The following GUCY1A2 variants were observed in gnomAD, a reference collection of about 807,000 sequenced individuals.
GUCY1A2 encodes guanylate cyclase soluble subunit alpha-2.
In GUCY1A2, 27 loss-of-function variants were observed where a neutral mutation model predicts 63.5. The ratio of observed to expected loss-of-function variants is 0.43; its 90% CI spans 0.31 to 0.59. The LOEUF (loss-of-function observed/expected upper bound fraction) is 0.59, where lower values mean the gene tolerates loss of function less well. Ranked by LOEUF, GUCY1A2 falls within the 20% of genes least tolerant of loss-of-function variation. GUCY1A2 has a pLI of 0.11. For missense variants in GUCY1A2, 768 were observed against 913.3 expected, an observed-to-expected ratio of 0.84 and a Z score of 2.05; for synonymous variants, 364 against 343.5, an observed-to-expected ratio of 1.06 and a Z score of -0.66.
At chr11:106,836,125 A>G (rs944262324) in intron 4 of GUCY1A2, among the ~76,000 whole-genome samples, 6 of 151,916 alleles carry the variant, frequency 3.9e-5, no homozygotes, top group Non-Finnish European at 8.8e-5. Flanking sequence ...AAGAATGAAA[A>G]AAGTGCAGTT....
intron 6 of GUCY1A2, among the ~76,000 whole-genome samples, chr11:106,748,363 A>G (rs770510202): frequency 5.3e-5 from 8 of 152,222 alleles, no homozygotes; most frequent in Non-Finnish European, 1.2e-4. Flanking sequence ...ATAGGGTAAC[A>G]TCTAGCTGGC....
At chr11:106,701,606 G>T (rs192545839) in intron 7 of GUCY1A2, among the ~76,000 whole-genome samples, 1 of 144,580 alleles carries the variant, frequency 6.9e-6, no homozygotes. Context: ...GAGTAGAATT[G>T]TGGGTATTAA....
chr11:106,772,183 C>A (rs991929646), intron 6 of GUCY1A2, among the ~76,000 whole-genome samples: 2 of 152,118 alleles, frequency 1.3e-5, no homozygotes. Context: ...AATTTTGGCT[C>A]CTATTTCCCA....
intron 4 of GUCY1A2, among the ~76,000 whole-genome samples, chr11:106,901,250 G>T (rs1860129072): frequency 6.6e-6 from 1 of 152,146 alleles, no homozygotes; most frequent in African/African-American, 2.4e-5. Context: ...AAGTTCTACT[G>T]TGAGAGTGCA....
chr11:106,781,808 T>C (rs1404529723), intron 5 of GUCY1A2, among the ~76,000 whole-genome samples: 1 of 152,000 alleles, frequency 6.6e-6, no homozygotes, highest in Non-Finnish European at 1.5e-5. Context: ...GCTCAAGAGA[T>C]TTGTGCACCT....
At chr11:106,823,501 AAC>A (rs1858929205) in intron 4 of GUCY1A2, among the ~76,000 whole-genome samples, 1 of 152,158 alleles carries the variant, frequency 6.6e-6, no homozygotes, top group Non-Finnish European at 1.5e-5. Context: ...ACAGTTGGTA[AAC>A]ACTTAGGTTG....
intron 6 of GUCY1A2, among the ~76,000 whole-genome samples, chr11:106,747,719 A>G (rs1470108612): frequency 2.0e-5 from 3 of 152,190 alleles, no homozygotes; most frequent in Non-Finnish European, 4.4e-5. Context: ...ACCTGTGAGC[A>G]CACACTCCTG....
intron 4 of GUCY1A2, among the ~76,000 whole-genome samples, chr11:106,838,655 G>C (rs1385160403): frequency 6.6e-6 from 1 of 151,700 alleles, no homozygotes; most frequent in Non-Finnish European, 1.5e-5. Context: ...GTTTCTTCGT[G>C]ATTTGAAAAA....
chr11:106,735,621 T>C (rs1275796262), intron 6 of GUCY1A2, among the ~76,000 whole-genome samples: 1 of 152,200 alleles, frequency 6.6e-6, no homozygotes, highest in African/African-American at 2.4e-5. Flanking sequence ...TTCAATATAC[T>C]GATTTCCTTT....
chr11:106,699,907 G>A (rs1316484994), intron 7 of GUCY1A2, among the ~76,000 whole-genome samples: 4 of 151,656 alleles, frequency 2.6e-5, no homozygotes, highest in African/African-American at 9.7e-5. Flanking sequence ...TCAGCCTCAC[G>A]AGTAGCTGGG....
intron 6 of GUCY1A2, among the ~76,000 whole-genome samples, chr11:106,739,805 C>G (rs774438071): frequency 2.0e-5 from 3 of 152,094 alleles, no homozygotes; most frequent in Non-Finnish European, 4.4e-5. Flanking sequence ...AGGAGACATA[C>G]TATTGGGAAG....
chr11:106,832,221 G>C (rs527864626), intron 4 of GUCY1A2, among the ~76,000 whole-genome samples: 1 of 152,028 alleles, frequency 6.6e-6, no homozygotes, highest in Non-Finnish European at 1.5e-5. Context: ...CAGTCAGATG[G>C]TTTTAAAGCC....
At chr11:106,796,921 G>T (rs563895907) in intron 5 of GUCY1A2, among the ~76,000 whole-genome samples, 1 of 152,128 alleles carries the variant, frequency 6.6e-6, no homozygotes, top group Non-Finnish European at 1.5e-5. Flanking sequence ...CCAATCAGAC[G>T]TAGATTTGGT....
At chr11:106,893,547 C>A (rs1275823579) in intron 4 of GUCY1A2, among the ~76,000 whole-genome samples, 1 of 152,072 alleles carries the variant, frequency 6.6e-6, no homozygotes, top group African/African-American at 2.4e-5. Flanking sequence ...TGGTGGTGGC[C>A]TCCAGTTTCT....
At chr11:106,805,228 A>C (rs1858665594) in intron 5 of GUCY1A2, among the ~76,000 whole-genome samples, 2 of 145,384 alleles carry the variant, frequency 1.4e-5, no homozygotes, top group Non-Finnish European at 3.0e-5. Context: ...TCTGACAGAG[A>C]AAACTATTTT....
chr11:106,824,799 T>G, intron 4 of GUCY1A2: 2 of 1,566,476 alleles, frequency 1.3e-6, no homozygotes, highest in Non-Finnish European at 1.7e-6. Flanking sequence ...TTTTTTTTTT[T>G]TGTAGGCTGA....
chr11:106,810,602 T>C (rs893958509), intron 4 of GUCY1A2, 124 bp from the exon 5 acceptor site: 7 of 680,956 alleles, frequency 1.0e-5, no homozygotes, highest in African/African-American at 7.2e-5. Flanking sequence ...ACTGCATTCA[T>C]ATAAGCAAAT....
chr11:106,908,228 T>C (rs1860240271), intron 4 of GUCY1A2, among the ~76,000 whole-genome samples: 1 of 152,036 alleles, frequency 6.6e-6, no homozygotes, highest in South Asian at 2.1e-4. Context: ...TCATTAGACC[T>C]TTCTTTACTA....
intron 4 of GUCY1A2, chr11:106,824,739 T>A: frequency 6.9e-7 from 1 of 1,455,036 alleles, no homozygotes; most frequent in Non-Finnish European, 9.1e-7. Context: ...ATATTTAATC[T>A]CATGAGAAAA....
Sources: allele counts gnomAD v4.1 joint callset (sites outside exome capture counted in the v4.1 genomes callset), GRCh38; gene constraint gnomAD v4.1.1; transcripts MANE v1.5; gene names NCBI Gene and HGNC (gene_info 2026-07-23, HGNC 2026-07-21).